Variants in GAD2 observed in about 807,000 individuals in gnomAD.
GAD2 encodes the protein glutamate decarboxylase 2, also known as 65 kDa glutamic acid decarboxylase.
A neutral mutation model predicts 80.1 loss-of-function variants in GAD2; 22 were observed. The ratio of observed to expected loss-of-function variants is 0.27; its 90% CI spans 0.20 to 0.39. The LOEUF (loss-of-function observed/expected upper bound fraction) is 0.39, where lower values mean the gene tolerates loss of function less well. Ranked by LOEUF, GAD2 falls within the 10% of genes least tolerant of loss-of-function variation. The pLI is 1.00. For synonymous variants in GAD2, 274 were observed against 256.9 expected (o/e 1.07, Z -0.64); for missense variants, 624 against 738.4 (o/e 0.85, Z 1.80).
upstream of GAD2, chr10:26,216,672 C>T (rs1302235407): frequency 1.9e-6 from 1 of 537,232 alleles, no homozygotes; most frequent in Non-Finnish European, 3.1e-6. This position sits in a 1 kb window ranked among gnomAD's most constrained non-coding sequence, Gnocchi z 4.7. Context: ...GACACCCGCC[C>T]TCGCCGCTCG....
At chr10:26,230,223 G>T (rs978256521) in intron 7 of GAD2, among the ~76,000 whole-genome samples, 1 of 152,104 alleles carries the variant, frequency 6.6e-6, no homozygotes, top group African/African-American at 2.4e-5. Context: ...TCGCTTCTGC[G>T]CAATCAAGTT....
At chr10:26,273,313 C>A (rs1845159084) in intron 10 of GAD2, among the ~76,000 whole-genome samples, 1 of 152,202 alleles carries the variant, frequency 6.6e-6, no homozygotes. Flanking sequence ...ACTGTGGGGA[C>A]CACAGGGTTT....
intron 7 of GAD2, among the ~76,000 whole-genome samples, chr10:26,241,589 A>G (rs1163278749): frequency 3.3e-5 from 5 of 151,604 alleles, no homozygotes; most frequent in Non-Finnish European, 4.4e-5. Flanking sequence ...TTTTATTTCA[A>G]AAACGGATCT....
chr10:26,292,127 A>C (rs1217256820), intron 13 of GAD2, among the ~76,000 whole-genome samples: 4 of 152,216 alleles, frequency 2.6e-5, no homozygotes, highest in Middle Eastern at 3.2e-3. Context: ...GGAAGAGAGT[A>C]GCTCAGCCCT....
chr10:26,290,484 G>A (rs1392464012), intron 13 of GAD2, among the ~76,000 whole-genome samples: 1 of 152,192 alleles, frequency 6.6e-6, no homozygotes, highest in Non-Finnish European at 1.5e-5. Flanking sequence ...GGTTGAGCAG[G>A]AGTTCAGTGC....
At chr10:26,234,414 T>C (rs1041975858) in intron 7 of GAD2, among the ~76,000 whole-genome samples, 11 of 151,936 alleles carry the variant, frequency 7.2e-5, no homozygotes, top group African/African-American at 2.7e-4. Context: ...ACTTTGCCCA[T>C]GGTGTCACAG....
chr10:26,281,081 A>G lies in GAD2; in HGVS notation c.1230A>G (p.Arg410=). The G allele has an allele frequency of 6.2e-7, 1 of 1,611,606 alleles. No homozygotes were observed. The highest frequency in any genetic ancestry group is 8.5e-7 in the Non-Finnish European group (1 of 1,177,946). ...TGCAGTGCTCTGCTCTCCTGGTTAG[A>G]GAAGAGGTATGTCTCTCTTGACTCT... is the stretch of plus-strand genomic sequence containing the variant. ...VPLQCSALLV[R]EEGLMQNCNQ... Residue 410 remains arginine, a synonymous_variant, in exon 12 of 16, where the codon AGA becomes AGG. Coordinates refer to ENST00000376261, the MANE Select transcript of GAD2 (RefSeq NM_001134366.2).
chr10:26,277,570 T>G (rs974563833), intron 11 of GAD2, among the ~76,000 whole-genome samples: 1 of 152,140 alleles, frequency 6.6e-6, no homozygotes, highest in South Asian at 2.1e-4. Context: ...AGGGACAGAC[T>G]AGAAGCTATT....
rs1845056820 is a variant in GAD2 at position 26,265,249 on chromosome 10, G to A, written c.921-3870G>A. 2.7e-5 allele frequency among the ~76,000 whole-genome samples: 4 copies of A among 148,942 alleles called. No homozygotes were observed. In the Admixed American group the frequency reaches 2.7e-4, roughly 10 times the overall value. On this transcript the variant is annotated intron_variant, in intron 8 of 15. Coordinates refer to ENST00000376261, the MANE Select transcript of GAD2 (RefSeq NM_001134366.2). ...AGACGGAGTCTCACTCTGTCGCCAG[G>A]CTGGAATGCAGTGGCACAATCTCGG...
intron 12 of GAD2, among the ~76,000 whole-genome samples, chr10:26,285,224 C>T (rs1845318329): frequency 6.6e-6 from 1 of 152,062 alleles, no homozygotes; most frequent in Non-Finnish European, 1.5e-5. Context: ...AGGTAGAGTC[C>T]AGTTCTGTTG....
At chr10:26,294,539 C>G (rs1192321408) in intron 15 of GAD2, among the ~76,000 whole-genome samples, 1 of 152,150 alleles carries the variant, frequency 6.6e-6, no homozygotes, top group Non-Finnish European at 1.5e-5. Flanking sequence ...TCAGATTGTG[C>G]TTGGATGGGC....
intron 8 of GAD2, among the ~76,000 whole-genome samples, chr10:26,265,205 CTTT>C (rs66464746): frequency 1.2e-4 from 16 of 137,040 alleles, no homozygotes; most frequent in African/African-American, 2.4e-4. Context: ...CATCATACGA[CTTT>C]TTTTTTTTTT....
At chr10:26,258,288 G>T (rs1844968396) in intron 8 of GAD2, among the ~76,000 whole-genome samples, 1 of 152,164 alleles carries the variant, frequency 6.6e-6, no homozygotes, top group South Asian at 2.1e-4. Flanking sequence ...AACATCACAT[G>T]GCTTGTAAGT....
Position 26,246,027 on chromosome 10 carries a change from G to T in GAD2, c.920+27G>T, listed in dbSNP as rs757639370. On this transcript the variant is annotated intron_variant, in intron 8 of 15. Coordinates refer to ENST00000376261, the MANE Select transcript of GAD2 (RefSeq NM_001134366.2). ...TGAGCACGCATCGGCAACTCTTGTT[G>T]GTTAGCAATTTGCAAATTCCACACA... 3 of 1,604,936 alleles carry T rather than the reference G, an allele frequency of 1.9e-6. No homozygotes were observed. The Admixed American group carries it at 5.0e-5, about 27-fold the overall frequency.
At chr10:26,248,768 G>A (rs1844841817) in intron 8 of GAD2, among the ~76,000 whole-genome samples, 2 of 152,106 alleles carry the variant, frequency 1.3e-5, no homozygotes, top group African/African-American at 4.8e-5. Flanking sequence ...TATATTGCCT[G>A]ATTTTGTTTG....
intron 8 of GAD2, among the ~76,000 whole-genome samples, chr10:26,255,975 A>G (rs1032606579): frequency 6.6e-6 from 1 of 152,146 alleles, no homozygotes; most frequent in Non-Finnish European, 1.5e-5. Context: ...GCTGCTAATG[A>G]CTTTCAAATC....
chr10:26,220,211 C>T (rs185980478), intron 4 of GAD2, among the ~76,000 whole-genome samples: 27 of 152,134 alleles, frequency 1.8e-4, no homozygotes, highest in African/African-American at 6.0e-4. Context: ...AATGAATTTC[C>T]AGGGGTGGGG....
At chr10:26,231,095 AAAAC>A (rs1844595720) in intron 7 of GAD2, among the ~76,000 whole-genome samples, 1 of 152,188 alleles carries the variant, frequency 6.6e-6, no homozygotes, top group Admixed American at 6.5e-5. Flanking sequence ...ATTCTCAAAA[AAAAC>A]AAAAACATAA....
At position 26,245,956 on chromosome 10, in the gene GAD2, A is replaced by AG; in HGVS notation, c.879dup (p.Ile294AspfsTer10). Reference sequence around the variant, plus strand: ...CTCTCAAGAAGGGAGCTGCAGCCTTAGGGATTGGAACAGACAGCGTGATTC... The same window carrying AG: ...CTCTCAAGAAGGGAGCTGCAGCCTTAGGGGATTGGAACAGACAGCGTGATTC... On this transcript the variant is annotated frameshift_variant, in exon 8 of 16. Transcript: ENST00000376261. LOFTEE classifies it high-confidence loss of function. 1 of 1,614,146 alleles carries AG rather than the reference A, an allele frequency of 6.2e-7. No individual in the cohort carries two copies. The highest frequency in any genetic ancestry group is 8.5e-7 in the Non-Finnish European group (1 of 1,179,962).
Sources: allele counts gnomAD v4.1 joint callset (sites outside exome capture counted in the v4.1 genomes callset), GRCh38; gene constraint gnomAD v4.1.1; non-coding constraint Gnocchi (gnomAD v3.1); transcripts MANE v1.5; gene names NCBI Gene and HGNC (gene_info 2026-07-23, HGNC 2026-07-21).